The following C20orf96 variants were observed in gnomAD, a reference collection of about 807,000 sequenced individuals.
C20orf96 encodes the protein chromosome 20 open reading frame 96, also known as uncharacterized protein C20orf96.
C20orf96 carries 57 observed loss-of-function variants against 52.6 expected under a neutral mutation model. The observed-to-expected ratio is 1.08, with a 90% CI of 0.88 to 1.35. The LOEUF is 1.35. Among genes scored for constraint, C20orf96 ranks in the 40% most tolerant of loss-of-function variants. C20orf96 has a pLI of 0.00. For missense variants in C20orf96, 478 were observed against 443.6 expected (o/e 1.08, Z -0.70); for synonymous variants, 168 against 157.2 (o/e 1.07, Z -0.51).
At chr20:276,256 G>A (rs926501970) in intron 9 of C20orf96, 170 bp from the exon 10 acceptor site, 1 of 985,332 alleles carries the variant, frequency 1.0e-6, no homozygotes, top group African/African-American at 1.7e-5. Flanking sequence ...GGTGCGGCTG[G>A]CTTCCAAGTT....
At chr20:284,306 C>G (rs1012823398) in intron 3 of C20orf96, among the ~76,000 whole-genome samples, 5 of 152,314 alleles carry the variant, frequency 3.3e-5, no homozygotes, top group South Asian at 4.1e-4. Flanking sequence ...CAGGTGAAAG[C>G]AGTAACTATG....
chr20:273,203 G>A (rs990801061), intron 10 of C20orf96, among the ~76,000 whole-genome samples: 2 of 152,212 alleles, frequency 1.3e-5, no homozygotes, highest in African/African-American at 4.8e-5. Context: ...TTGAACTCCT[G>A]GGCTCAAGCA....
chr20:290,282 T>C lies in C20orf96; in HGVS notation c.46A>G (p.Ile16Val), dbSNP rs1269018990. Reference sequence around the variant, plus strand: ...ACCGGAACCTGGAACTCCTGGACTATGGAGTGAGTCCCAGAGTGCTTGGGT... The same window carrying C: ...ACCGGAACCTGGAACTCCTGGACTACGGAGTGAGTCCCAGAGTGCTTGGGT... ...QKPKHSGTHS[I>V]VQEFQVPDYV... The change falls in exon 2 of 11, where the codon ATA becomes GTA. Residue 16 changes from isoleucine (I) to valine (V), a missense_variant. Physicochemically the swap from Ile to Val is conservative, Grantham distance 29. Transcript: ENST00000360321. 5.6e-6 allele frequency: 9 copies of C among 1,612,812 alleles called. No homozygotes were observed. In the South Asian group the frequency reaches 7.7e-5, roughly 14 times the overall value.
Position 277,264 on chromosome 20 carries a change from G to C in C20orf96, c.685C>G (p.Leu229Val). Residue 229 changes from leucine (L) to valine (V), a missense_variant, in exon 7 of 11, where the codon CTT (leucine) becomes GTT (valine). By Grantham distance (32) the Leu-to-Val change is conservative. Coordinates refer to ENST00000360321, the MANE Select transcript of C20orf96 (RefSeq NM_153269.3). ...YSIKSVQIST[L>V]MRQLQQVKDS... is the part of the protein sequence containing the mutation. Reference sequence around the variant, plus strand: ...TTAACCTGCTGCAGCTGGCGCATAAGAGTGGAGATCTGGACAGACTTGATG... The same window carrying C: ...TTAACCTGCTGCAGCTGGCGCATAACAGTGGAGATCTGGACAGACTTGATG... 1.9e-5 allele frequency: 30 copies of C among 1,614,198 alleles called. No homozygotes were observed. The highest frequency in any genetic ancestry group is 2.5e-5 in the Non-Finnish European group (30 of 1,180,038).
chr20:276,008 G>T lies in C20orf96; in HGVS notation c.991C>A (p.Arg331=). ...EELQAQTREP[R]EVIFEDVLLR... The stretch of plus-strand genomic sequence containing the variant: ...AGAACATCCTCAAATATGACCTCTC[G>T]GGGTTCCCGGGTCTGGGCTTGGAGC... Residue 331 remains arginine, a synonymous_variant, in exon 10 of 11, where the codon CGA becomes AGA. Coordinates refer to ENST00000360321, the MANE Select transcript of C20orf96 (RefSeq NM_153269.3). The T allele has an allele frequency of 6.2e-7, 1 of 1,614,136 alleles. No individual in the cohort carries two copies. Among genetic ancestry groups the T allele is most frequent in the Non-Finnish European group, 8.5e-7 (1 of 1,180,018 alleles).
intron 8 of C20orf96, 80 bp downstream of exon 8, chr20:276,964 C>T: frequency 6.3e-7 from 1 of 1,599,526 alleles, no homozygotes; most frequent in Non-Finnish European, 8.6e-7. Context: ...TGCAGTGGGC[C>T]TGGAGGCAGA....
At chr20:287,768 G>T (rs2122323836) in intron 3 of C20orf96, among the ~76,000 whole-genome samples, 1 of 152,074 alleles carries the variant, frequency 6.6e-6, no homozygotes, top group South Asian at 2.1e-4. Flanking sequence ...AATTAGCCAG[G>T]CATGGTGGCA....
At chr20:271,443 TACACACACACAC>T (rs71191933) in intron 10 of C20orf96, among the ~76,000 whole-genome samples, 176 bp from the exon 11 acceptor site, 24,353 of 134,564 alleles carry the variant, frequency 0.18, 2,029 homozygotes, top group South Asian at 0.31. Context: ...TACACAAGCA[TACACACACACAC>T]ACACACACAC....
intron 3 of C20orf96, among the ~76,000 whole-genome samples, chr20:287,840 C>T (rs770177029): frequency 5.1e-5 from 7 of 138,514 alleles, no homozygotes; most frequent in Non-Finnish European, 9.0e-5. Context: ...ACCCGGGAGA[C>T]AGAGTTTGCA....
At chr20:290,496 G>A (rs2012514599) in intron 1 of C20orf96, 95 bp downstream of exon 1, 2 of 1,558,286 alleles carry the variant, frequency 1.3e-6, no homozygotes, top group Non-Finnish European at 8.7e-7. Flanking sequence ...GACCGAGGGC[G>A]ACCTCGAGGC....
At chr20:271,322 C>T (rs2011828669) in intron 10 of C20orf96, 55 bp from the exon 11 acceptor site, 1 of 1,427,106 alleles carries the variant, frequency 7.0e-7, no homozygotes, top group Admixed American at 2.2e-5. Context: ...GGTGTGGGAG[C>T]ACCCACTCAG....
At chr20:283,019 T>C (rs6035628) in intron 4 of C20orf96, among the ~76,000 whole-genome samples, 78,268 of 152,070 alleles carry the variant, frequency 0.51, 20,555 homozygotes, top group African/African-American at 0.61. Context: ...CTTTATATAG[T>C]AGTCATTGTT....
intron 10 of C20orf96, among the ~76,000 whole-genome samples, chr20:272,106 GAA>G (rs569647013): frequency 7.3e-5 from 9 of 123,544 alleles, no homozygotes; most frequent in Non-Finnish European, 1.5e-4. Context: ...AACCAACATA[GAA>G]AAAAAAAAAA....
intron 4 of C20orf96, among the ~76,000 whole-genome samples, chr20:282,782 GA>G (rs996495809): frequency 1.1e-4 from 17 of 152,156 alleles, no homozygotes; most frequent in African/African-American, 4.1e-4. Context: ...TGAGGCAGGA[GA>G]CTCACTCAAA....
At chr20:276,906 C>T (rs954904019) in intron 8 of C20orf96, 27 bp from the exon 9 acceptor site, 30 of 1,613,460 alleles carry the variant, frequency 1.9e-5, no homozygotes, top group Non-Finnish European at 2.5e-5. Context: ...GGTCTGGCCC[C>T]CAGGTGCCTC....
At chr20:282,136 C>T (rs1055688078) in intron 4 of C20orf96, among the ~76,000 whole-genome samples, 3 of 152,170 alleles carry the variant, frequency 2.0e-5, no homozygotes, top group Admixed American at 1.3e-4. Context: ...TTCTCCAAGT[C>T]CTGGGCCCAC....
chr20:278,291 C>G (rs763385026), intron 6 of C20orf96, 39 bp downstream of exon 6: 2 of 1,494,616 alleles, frequency 1.3e-6, no homozygotes, highest in Non-Finnish European at 1.9e-6. Context: ...CCCCAAGGTG[C>G]CAGGGGGGAG....
At chr20:289,479 AG>A (rs1325262419) in intron 3 of C20orf96, 79 bp downstream of exon 3, 18 of 848,842 alleles carry the variant, frequency 2.1e-5, no homozygotes, top group Non-Finnish European at 3.7e-5. Flanking sequence ...CCCTAATATA[AG>A]TGGTGTCACC....
chr20:287,030 G>A (rs1046291138), intron 3 of C20orf96, among the ~76,000 whole-genome samples: 30 of 152,282 alleles, frequency 2.0e-4, no homozygotes, highest in African/African-American at 7.2e-4. Context: ...TTCCACGGTG[G>A]GGATACACCA....
Sources: allele counts gnomAD v4.1 joint callset (sites outside exome capture counted in the v4.1 genomes callset), GRCh38; gene constraint gnomAD v4.1.1; transcripts MANE v1.5; gene names NCBI Gene and HGNC (gene_info 2026-07-23, HGNC 2026-07-21).